Variants in SDK1 observed in about 807,000 individuals in gnomAD.
SDK1 encodes protein sidekick-1.
SDK1 carries 157 observed loss-of-function variants against 245.5 expected under a neutral mutation model. That is an observed-to-expected ratio of 0.64 (90% CI 0.56 to 0.73). SDK1 has a LOEUF of 0.73. Ranked by LOEUF, SDK1 falls within the 30% of genes least tolerant of loss-of-function variation. SDK1 has a pLI of 0.00. For synonymous variants in SDK1, 1,647 were observed against 1,278.5 expected, an observed-to-expected ratio of 1.29 and a Z score of -6.15; for missense variants, 3,583 against 3,002.3, an observed-to-expected ratio of 1.19 and a Z score of -4.52.
chr7:3,449,031 C>T (rs1780432407), intron 1 of SDK1, among the ~76,000 whole-genome samples: 1 of 152,122 alleles, frequency 6.6e-6, no homozygotes, highest in Non-Finnish European at 1.5e-5. Context: ...TCTGTAAAAG[C>T]AATAACATGT....
chr7:4,216,969 G>A (rs1042832651), intron 38 of SDK1, among the ~76,000 whole-genome samples: 2 of 150,186 alleles, frequency 1.3e-5, no homozygotes, highest in African/African-American at 4.9e-5. Context: ...CAGAGCACCA[G>A]GCCACCCGGA....
chr7:3,936,215 G>C (rs547688240), intron 5 of SDK1, among the ~76,000 whole-genome samples: 2 of 152,268 alleles, frequency 1.3e-5, no homozygotes, highest in East Asian at 3.9e-4. Context: ...TAGGATGGTG[G>C]GTGCCAGGGG....
intron 5 of SDK1, among the ~76,000 whole-genome samples, chr7:3,928,762 T>A (rs1001031449): frequency 6.6e-6 from 1 of 152,216 alleles, no homozygotes; most frequent in Admixed American, 6.5e-5. Context: ...TCACTAATCT[T>A]CACACTTACA....
At chr7:4,105,503 C>T (rs556331581) in intron 22 of SDK1, among the ~76,000 whole-genome samples, 1 of 152,016 alleles carries the variant, frequency 6.6e-6, no homozygotes, top group African/African-American at 2.4e-5. Flanking sequence ...GATGGGGTTT[C>T]ACCATGTTGG....
At chr7:3,949,061 G>A (rs1172346389) in intron 5 of SDK1, among the ~76,000 whole-genome samples, 3 of 152,140 alleles carry the variant, frequency 2.0e-5, no homozygotes, top group Non-Finnish European at 2.9e-5. Context: ...TCCGGACTCT[G>A]CCATCTTCTC....
intron 4 of SDK1, among the ~76,000 whole-genome samples, chr7:3,748,116 A>G (rs1779676807): frequency 6.6e-6 from 1 of 152,206 alleles, no homozygotes; most frequent in African/African-American, 2.4e-5. Context: ...TTAATGATAA[A>G]TGATGACATA....
At chr7:3,811,822 A>C (rs530281594) in intron 4 of SDK1, among the ~76,000 whole-genome samples, 3 of 152,216 alleles carry the variant, frequency 2.0e-5, no homozygotes, top group African/African-American at 7.2e-5. Context: ...TTCCTGAGTT[A>C]TTAATACCTT....
At chr7:3,302,906 T>C (rs953004769) in intron 1 of SDK1, among the ~76,000 whole-genome samples, 1 of 152,200 alleles carries the variant, frequency 6.6e-6, no homozygotes, top group Non-Finnish European at 1.5e-5. Flanking sequence ...TTAGCTGTGT[T>C]CTGTGTCCTG....
In SDK1 at chr7:4,055,775, C is replaced by T. The variant is rs199968265; in HGVS notation, c.2911+3945C>T. Among the ~76,000 whole-genome samples the T allele has an allele frequency of 5.3e-5, 8 of 152,064 alleles. No individual in the cohort carries two copies. The East Asian group carries it at 1.5e-3, about 29-fold the overall frequency. On this transcript the variant is annotated intron_variant, in intron 19 of 44. Coordinates refer to ENST00000404826, the MANE Select transcript of SDK1 (RefSeq NM_152744.4). ...TCCAGTGTGAGCGTTTAGTGCTGTA[C>T]ATTTCTGCTTCCATGATGCTTTAGC...
chr7:3,951,734 G>T lies in SDK1; in HGVS notation c.964G>T (p.Val322Leu). 6.2e-7 allele frequency: 1 copy of T among 1,613,068 alleles called. No individual in the cohort carries two copies. Among genetic ancestry groups the T allele is most frequent in the Non-Finnish European group, 8.5e-7 (1 of 1,179,946 alleles). ...GAATGCCTTTCATTCCCACAGGCCT[G>T]TGGAGGACCTGAGTGTGACCTGGAA... The part of the protein sequence containing the change: ...TLECIASARP[V>L]EDLSVTWKRN... Residue 322 changes from valine (V) to leucine (L), a missense_variant, in exon 7 of 45, where the codon GTG (valine) becomes TTG (leucine). Val to Leu is a conservative substitution (Grantham distance 32). Transcript: ENST00000404826.
intron 4 of SDK1, among the ~76,000 whole-genome samples, chr7:3,798,517 A>G (rs1354519200): frequency 6.6e-6 from 1 of 152,110 alleles, no homozygotes; most frequent in Non-Finnish European, 1.5e-5. Context: ...GCACCCAGCC[A>G]AACTTGACAC....
chr7:3,864,987 C>G (rs773981288), intron 5 of SDK1, among the ~76,000 whole-genome samples: 1 of 152,220 alleles, frequency 6.6e-6, no homozygotes, highest in East Asian at 1.9e-4. Flanking sequence ...CCACTGGTCT[C>G]TCAGGGGTGC....
At chr7:3,469,148 C>T in intron 1 of SDK1, among the ~76,000 whole-genome samples, 1 of 152,064 alleles carries the variant, frequency 6.6e-6, no homozygotes, top group East Asian at 1.9e-4. Context: ...ATCAGAAATT[C>T]CCCAAAGGAC....
At chr7:3,761,631 G>A (rs1562424057) in intron 4 of SDK1, among the ~76,000 whole-genome samples, 1 of 151,458 alleles carries the variant, frequency 6.6e-6, no homozygotes, top group African/African-American at 2.4e-5. Flanking sequence ...ATAGGAAGAA[G>A]CAAAGGCAGA....
chr7:3,847,206 G>C (rs572062677), intron 5 of SDK1, among the ~76,000 whole-genome samples: 1 of 152,190 alleles, frequency 6.6e-6, no homozygotes, highest in South Asian at 2.1e-4. Flanking sequence ...TCACATGTGT[G>C]CCCTGCTGTC....
chr7:3,907,087 A>C (rs1033041928), intron 5 of SDK1, among the ~76,000 whole-genome samples: 2 of 151,482 alleles, frequency 1.3e-5, no homozygotes, highest in African/African-American at 4.9e-5. Flanking sequence ...TATGTTGCTA[A>C]AATCAGATAT....
At chr7:3,619,603 C>T (rs1583234531) in intron 2 of SDK1, among the ~76,000 whole-genome samples, 1 of 152,212 alleles carries the variant, frequency 6.6e-6, no homozygotes, top group East Asian at 1.9e-4. Flanking sequence ...AATGTTTAAA[C>T]AGATCTTTAG....
intron 43 of SDK1, among the ~76,000 whole-genome samples, chr7:4,242,348 C>T (rs1230529821): frequency 6.6e-6 from 1 of 152,154 alleles, no homozygotes; most frequent in Non-Finnish European, 1.5e-5. Flanking sequence ...CAAAGTTTTC[C>T]TGTGCCGATA....
At chr7:4,229,858 G>C (rs538279303) in intron 40 of SDK1, among the ~76,000 whole-genome samples, 25 of 152,132 alleles carry the variant, frequency 1.6e-4, no homozygotes, top group African/African-American at 5.8e-4. Flanking sequence ...CTTGCTCACA[G>C]TAAGCAGTAA....
Sources: gnomAD v4.1 joint callset for allele counts (sites outside exome capture counted in the v4.1 genomes callset) on GRCh38, gnomAD v4.1.1 for gene constraint, MANE v1.5 for transcripts, NCBI Gene and HGNC (gene_info 2026-07-23, HGNC 2026-07-21) for gene names.